Variants in IKBKG observed in about 807,000 individuals in gnomAD.
The protein encoded by IKBKG is NF-kappa-B essential modulator.
IKBKG carries 2 observed loss-of-function variants against 13.7 expected under a neutral mutation model. The ratio of observed to expected loss-of-function variants is 0.15; its 90% CI spans 0.06 to 0.46. The LOEUF is 0.46. Among genes scored for constraint, IKBKG ranks in the 20% least tolerant of loss-of-function variants. The pLI, the probability that IKBKG is intolerant of heterozygous loss-of-function variation, is 0.98. For missense variants in IKBKG, 53 were observed against 150.3 expected, an observed-to-expected ratio of 0.35 and a Z score of 3.39; for synonymous variants, 22 against 64.4, an observed-to-expected ratio of 0.34 and a Z score of 3.15.
chrX:154,548,108 C>T lies in IKBKG; in HGVS notation c.-16+363C>T, dbSNP rs2070807123. On this transcript the variant is annotated intron_variant, in intron 1 of 9. Transcript: ENST00000594239. ...CAGCTAGGTATCTGATTTCATATGC[C>T]TGTTTGCTCGTTTTGCAAGACAACA... The T allele has an allele frequency of 6.6e-6, 5 of 754,179 alleles. No homozygotes were observed. The South Asian group carries it at 3.4e-4, about 51-fold the overall frequency. The allele number at this position is 754,179 out of a possible 1,213,427, so 62.2% of individuals were successfully genotyped here. A position where few individuals can be genotyped will look rare whatever the true frequency, so the allele number is the denominator to read the frequency against.
upstream of IKBKG, chrX:154,545,860 T>C (rs2070693355): frequency 2.0e-6 from 1 of 494,183 alleles, no homozygotes; most frequent in East Asian, 3.7e-5. Flanking sequence ...AAAAAAAGTC[T>C]TGCAAGTGCA....
intron 1 of IKBKG, among the ~76,000 whole-genome samples, chrX:154,550,223 T>A (rs782374349): frequency 4.8e-5 from 5 of 105,250 alleles, no homozygotes; most frequent in African/African-American, 1.8e-4. Flanking sequence ...CTTGATGGAT[T>A]AGATGTGCTC....
At chrX:154,550,260 A>ATGTGTG (rs781959969) in intron 1 of IKBKG, among the ~76,000 whole-genome samples, 1 of 94,091 alleles carries the variant, frequency 1.1e-5, no homozygotes, top group Admixed American at 1.2e-4. Flanking sequence ...GTGTGTGTGT[A>ATGTGTG]TGTGTGTGTG....
intron 1 of IKBKG, among the ~76,000 whole-genome samples, chrX:154,549,363 C>T (rs2070862565): frequency 1.8e-5 from 2 of 111,187 alleles, no homozygotes; most frequent in Non-Finnish European, 3.8e-5. Flanking sequence ...CCTCCATCTC[C>T]CAGGTTTGAG....
upstream of IKBKG, among the ~76,000 whole-genome samples, chrX:154,544,310 C>T (rs1569556380): frequency 1.8e-5 from 2 of 110,592 alleles, no homozygotes; most frequent in East Asian, 2.8e-4. Flanking sequence ...TACAGGCACG[C>T]ACCACCACGC....
chrX:154,549,599 A>C (rs2070871825), intron 1 of IKBKG, among the ~76,000 whole-genome samples: 1 of 111,819 alleles, frequency 8.9e-6, no homozygotes, highest in Non-Finnish European at 1.9e-5. Flanking sequence ...ATTTTCAATA[A>C]CAGCTTGAGA....
At chrX:154,547,960 G>C in intron 1 of IKBKG, 2 of 754,911 alleles carry the variant, frequency 2.6e-6, no homozygotes, top group Non-Finnish European at 3.1e-6. Context: ...CCTCCACTGC[G>C]GGGTCTGACC....
intron 7 of IKBKG, among the ~76,000 whole-genome samples, chrX:154,563,241 C>G (rs1168353207): frequency 3.6e-5 from 1 of 27,443 alleles, no homozygotes; most frequent in Non-Finnish European, 5.5e-5. Flanking sequence ...GTTGGCCCAG[C>G]TGGTCTCGAA....
In IKBKG at chrX:154,562,828, C is replaced by G. The variant is rs2148383778; in HGVS notation, c.787C>G (p.Leu263Val). Residue 263 changes from leucine (L) to valine (V), a missense_variant, in exon 7 of 10, where the codon CTC becomes GTC. By Grantham distance (32) the Leu-to-Val change is conservative. This residue lies in a region of IKBKG where 5 missense variants were observed against 16.0 expected (regional missense o/e 0.31). Coordinates refer to ENST00000594239, the MANE Select transcript of IKBKG (RefSeq NM_001099857.5). ...TCCTTAGGGAATGCAGCTGGAAGATCTCAAACAGCAGCTCCAGCAGGCCGA... is the reference window on the plus strand; with the variant it reads ...TCCTTAGGGAATGCAGCTGGAAGATGTCAAACAGCAGCTCCAGCAGGCCGA... ...ERKRGMQLED[L>V]KQQLQQAEEA... is the part of the protein sequence containing the mutation. 2 of 316,513 alleles carry G rather than the reference C, an allele frequency of 6.3e-6. No individual in the cohort carries two copies. The highest frequency in any genetic ancestry group is 9.4e-5 in the East Asian group (2 of 21,204). The allele number at this position is 316,513 out of a possible 1,213,427, so 26.1% of individuals were successfully genotyped here.
At chrX:154,546,268 T>C, upstream of IKBKG, 2 of 1,045,611 alleles carry the variant, frequency 1.9e-6, no homozygotes, top group Non-Finnish European at 2.6e-6. Context: ...GGGTGACACC[T>C]GATTGCCCAA....
At chrX:154,545,398 T>C (rs2070671861), upstream of IKBKG, among the ~76,000 whole-genome samples, 1 of 111,912 alleles carries the variant, frequency 8.9e-6, no homozygotes, top group African/African-American at 3.2e-5. Context: ...TTGGAACTCA[T>C]TTGTTAAGGC....
chrX:154,546,709 C>T (rs921512630), upstream of IKBKG: 30 of 830,129 alleles, frequency 3.6e-5, no homozygotes, highest in Non-Finnish European at 5.1e-5. Flanking sequence ...GCACAACAAA[C>T]AGCGTGTATT....
intron 1 of IKBKG, among the ~76,000 whole-genome samples, chrX:154,548,296 C>T (rs782473397): frequency 9.0e-6 from 1 of 111,459 alleles, no homozygotes; most frequent in Admixed American, 9.5e-5. Flanking sequence ...CCTTGTAGGC[C>T]GTTGTAGGGA....
upstream of IKBKG, chrX:154,546,771 G>T: frequency 1.7e-6 from 2 of 1,143,550 alleles, no homozygotes; most frequent in Non-Finnish European, 1.2e-6. Context: ...CCTGCGCGGC[G>T]CCCGCCCGGC....
chrX:154,545,411 G>C (rs1603414808), upstream of IKBKG, among the ~76,000 whole-genome samples: 4 of 112,015 alleles, frequency 3.6e-5, no homozygotes, highest in South Asian at 1.5e-3. Flanking sequence ...GTTAAGGCAT[G>C]AACAGGTCTG....
At chrX:154,542,917 G>A (rs781995036), upstream of IKBKG, among the ~76,000 whole-genome samples, 6 of 112,260 alleles carry the variant, frequency 5.3e-5, no homozygotes, top group South Asian at 2.2e-3. Context: ...CCCATGAGGA[G>A]GGCAGGGACT....
At chrX:154,550,875 A>ATCCCGGGTTCACGCCATTCTCCTGCC (rs370038166) in intron 1 of IKBKG, among the ~76,000 whole-genome samples, 1 of 108,096 alleles carries the variant, frequency 9.3e-6, no homozygotes, top group Admixed American at 9.8e-5. Flanking sequence ...CAGTGGCGCG[A>ATCCCGGGTTCACGCCATTCTCCTGCC]TCCCGGGTTC....
chrX:154,545,305 T>C (rs782375515), upstream of IKBKG, among the ~76,000 whole-genome samples: 2 of 112,081 alleles, frequency 1.8e-5, no homozygotes, highest in Non-Finnish European at 1.9e-5. Flanking sequence ...AAAGAGACAG[T>C]GTTCAAAGAA....
At chrX:154,542,717 C>T (rs1467135759), upstream of IKBKG, among the ~76,000 whole-genome samples, 5 of 112,031 alleles carry the variant, frequency 4.5e-5, no homozygotes, top group African/African-American at 1.6e-4. Flanking sequence ...TGAGCTTGTT[C>T]CCAACTCGGG....
Sources: gnomAD v4.1 joint callset for allele counts (sites outside exome capture counted in the v4.1 genomes callset) on GRCh38, gnomAD v4.1.1 for gene constraint, gnomAD v4.1.1 regional missense constraint, MANE v1.5 for transcripts, NCBI Gene and HGNC (gene_info 2026-07-23, HGNC 2026-07-21) for gene names.